KCNQ1: variants seen among roughly 807,000 people sequenced by gnomAD.
The protein encoded by KCNQ1 is potassium voltage-gated channel subfamily Q member 1.
A neutral mutation model predicts 72.4 loss-of-function variants in KCNQ1; 49 were observed. The observed-to-expected ratio is 0.68, with a 90% CI of 0.54 to 0.86. The LOEUF (loss-of-function observed/expected upper bound fraction) is 0.86, where lower values mean the gene tolerates loss of function less well. Among genes scored for constraint, KCNQ1 ranks in the 40% least tolerant of loss-of-function variants. The pLI, the probability that KCNQ1 is intolerant of heterozygous loss-of-function variation, is 0.00. For missense variants in KCNQ1, 790 were observed against 945.1 expected (o/e 0.84, Z 2.15); for synonymous variants, 450 against 412.6 (o/e 1.09, Z -1.10).
chr11:2,530,784 T>G (rs1847608980), intron 2 of KCNQ1, among the ~76,000 whole-genome samples: 1 of 152,184 alleles, frequency 6.6e-6, no homozygotes. Context: ...CCTGTGAGCA[T>G]GTATTGTATG....
Position 2,570,859 on chromosome 11 carries a change from C to T in KCNQ1, c.604+105C>T, listed in dbSNP as rs1589956846. 3.9e-6 allele frequency: 6 copies of T among 1,530,330 alleles called. No homozygotes were observed. The South Asian group carries it at 6.8e-5, about 17-fold the overall frequency. 94.8% of individuals were successfully genotyped at this position (1,530,330 alleles called of 1,614,324 possible). ...TGGAGTCCCCTAAGGACTGGGGAACCCCAAGGCCAGCAGGGGGTGACTGCC... is the reference window on the plus strand; with the variant it reads ...TGGAGTCCCCTAAGGACTGGGGAACTCCAAGGCCAGCAGGGGGTGACTGCC... On this transcript the variant is annotated intron_variant, in intron 3 of 15. Coordinates refer to ENST00000155840, the MANE Select transcript of KCNQ1 (RefSeq NM_000218.3).
At position 2,509,603 on chromosome 11, in the gene KCNQ1, G is replaced by A. The variant is rs1297240914; in HGVS notation, c.387-18325G>A. ...TCCGGGTGTGAGGGCAGTAGTGCAG[G>A]TCGTGGTCCCAGATGGCCACGGAGG... On this transcript the variant is annotated intron_variant, in intron 1 of 15. Transcript: ENST00000155840. This position sits in a 1 kb window ranked among gnomAD's most constrained non-coding sequence, Gnocchi z 6.3. Among the ~76,000 whole-genome samples, 2 of 152,184 alleles carry A rather than the reference G, an allele frequency of 1.3e-5. No homozygotes were observed. The highest frequency in any genetic ancestry group is 4.8e-5 in the African/African-American group (2 of 41,440).
chr11:2,538,913 G>A lies in KCNQ1; in HGVS notation c.477+10895G>A, dbSNP rs147221045. Among the ~76,000 whole-genome samples, 24 of 152,260 alleles carry A rather than the reference G, an allele frequency of 1.6e-4. No homozygotes were observed. The East Asian group carries it at 4.4e-3, about 28-fold the overall frequency. ...ACACGTAACCCGATTCTGTCCAAGC[G>A]ATTTGTGAGAATGGGGTTGACACCC... On this transcript the variant is annotated intron_variant, in intron 2 of 15. Coordinates refer to ENST00000155840, the MANE Select transcript of KCNQ1 (RefSeq NM_000218.3). The surrounding 1 kb of genome is among the most constrained non-coding windows in gnomAD (Gnocchi z 6.7).
chr11:2,533,718 C>T (rs1847679960), intron 2 of KCNQ1, among the ~76,000 whole-genome samples: 1 of 152,226 alleles, frequency 6.6e-6, no homozygotes, highest in South Asian at 2.1e-4. Context: ...TTGCCGAAGC[C>T]AGCTGCTGCT....
At chr11:2,635,051 G>C (rs1287339200) in intron 10 of KCNQ1, 1 of 152,066 alleles carries the variant, frequency 6.6e-6, no homozygotes, top group Non-Finnish European at 1.5e-5. Context: ...TTGTAAATTT[G>C]TTTGAGTTCT....
chr11:2,568,818 C>G (rs1247640754), intron 2 of KCNQ1, among the ~76,000 whole-genome samples: 1 of 151,610 alleles, frequency 6.6e-6, no homozygotes, highest in African/African-American at 2.4e-5. Flanking sequence ...GGGACCCACA[C>G]CCCCCCCATG....
intron 15 of KCNQ1, among the ~76,000 whole-genome samples, chr11:2,796,865 G>A (rs1238429565): frequency 6.6e-6 from 1 of 152,232 alleles, no homozygotes; most frequent in East Asian, 1.9e-4. Context: ...CGATGGGGCA[G>A]GGAAACGTTC....
At chr11:2,459,047 G>A (rs1846236780) in intron 1 of KCNQ1, among the ~76,000 whole-genome samples, 1 of 150,566 alleles carries the variant, frequency 6.6e-6, no homozygotes, top group South Asian at 2.1e-4. Flanking sequence ...CTTTGGGGTT[G>A]TTGGGATGCT....
In KCNQ1 at chr11:2,774,022, A is replaced by G. The variant is rs560339974; in HGVS notation, c.1591-1938A>G. ...AGACAGAGACAGGGTTCAGCATCCC[A>G]TCTTACAGAAAAGAGAATTAAGACT... On this transcript the variant is annotated intron_variant, in intron 12 of 15. Transcript: ENST00000155840. Among the ~76,000 whole-genome samples, 246 of 152,242 alleles carry G rather than the reference A, an allele frequency of 1.6e-3. 2 individuals are homozygous for G. Among genetic ancestry groups the G allele is most frequent in the South Asian group, 0.012 (59 of 4,824 alleles).
In KCNQ1 at chr11:2,848,394, G is replaced by A. The variant is rs774059974; in HGVS notation, c.*391G>A. On this transcript the variant is annotated 3_prime_UTR_variant, in exon 16 of 16. Transcript: ENST00000155840. Reference sequence around the variant, plus strand: ...TGGCCCAGGGGGCTTCCTGAGGGGAGACAGAGCAACCCCTGGACCCCAGCC... The same window carrying A: ...TGGCCCAGGGGGCTTCCTGAGGGGAAACAGAGCAACCCCTGGACCCCAGCC... 199 of 493,786 alleles carry A rather than the reference G, an allele frequency of 4.0e-4. No individual in the cohort carries two copies. The highest frequency in any genetic ancestry group is 5.3e-4 in the Non-Finnish European group (133 of 253,186). 30.6% of individuals were successfully genotyped at this position (493,786 alleles called of 1,614,324 possible).
chr11:2,806,848 G>A (rs776839564), intron 15 of KCNQ1, among the ~76,000 whole-genome samples: 4 of 152,196 alleles, frequency 2.6e-5, no homozygotes, highest in African/African-American at 4.8e-5. Context: ...CCTGGCTTGC[G>A]TGCTGGCTCC....
chr11:2,773,037 C>T (rs541120239), intron 12 of KCNQ1, among the ~76,000 whole-genome samples: 22 of 152,338 alleles, frequency 1.4e-4, no homozygotes, highest in African/African-American at 5.3e-4. Flanking sequence ...TTAGGATTCC[C>T]TGACCTTTCT....
rs935002538 is a variant in KCNQ1 at position 2,464,160 on chromosome 11, C to T, written c.386+18676C>T. On this transcript the variant is annotated intron_variant, in intron 1 of 15. Coordinates refer to ENST00000155840, the MANE Select transcript of KCNQ1 (RefSeq NM_000218.3). This position sits in a 1 kb window ranked among gnomAD's most constrained non-coding sequence, Gnocchi z 5.0. ...CTACGGTGCTTGCCATCAGCAGATA[C>T]AAGCTGTACGCAGTGGGCCGCAGGC... Among the ~76,000 whole-genome samples, 32 of 152,142 alleles carry T rather than the reference C, an allele frequency of 2.1e-4. No homozygotes were observed. The highest frequency in any genetic ancestry group is 7.7e-4 in the African/African-American group (32 of 41,428).
rs1013133466 is a variant in KCNQ1 at position 2,646,375 on chromosome 11, A to G, written c.1394-15586A>G. 5 of 398,508 alleles carry G rather than the reference A, an allele frequency of 1.3e-5. No individual in the cohort carries two copies. The East Asian group carries it at 1.4e-4, about 11-fold the overall frequency. The allele number at this position is 398,508 out of a possible 1,614,324, so 24.7% of individuals were successfully genotyped here. On this transcript the variant is annotated intron_variant, in intron 10 of 15. Transcript: ENST00000155840. ...AAAAAATTTTGTAGCCTCTTCAATT[A>G]CTGTTATCAGTATTTTATAGTTTTC... is the stretch of plus-strand genomic sequence containing the variant.
chr11:2,723,165 G>A lies in KCNQ1; in HGVS notation c.1515-45679G>A, dbSNP rs1188149085. The stretch of plus-strand genomic sequence containing the variant: ...TCCTCTTGGCTCCGCCTTCCTCCGT[G>A]GTGGCCTGAGAGGGGTGTGGTGCTG... On this transcript the variant is annotated intron_variant, in intron 11 of 15. Transcript: ENST00000155840. This position sits in a 1 kb window ranked among gnomAD's most constrained non-coding sequence, Gnocchi z 4.2. Among the ~76,000 whole-genome samples, 1 of 152,226 alleles carries A rather than the reference G, an allele frequency of 6.6e-6. No individual in the cohort carries two copies. Among genetic ancestry groups the A allele is most frequent in the African/African-American group, 2.4e-5 (1 of 41,462 alleles).
At chr11:2,445,522 C>A in intron 1 of KCNQ1, 38 bp downstream of exon 1, 1 of 1,579,454 alleles carries the variant, frequency 6.3e-7, no homozygotes. Flanking sequence ...CACGAAGGTG[C>A]TTCCTGAGAG....
At chr11:2,518,907 G>A (rs142181737) in intron 1 of KCNQ1, among the ~76,000 whole-genome samples, 1,684 of 152,320 alleles carry the variant, frequency 0.011, 9 homozygotes, top group Non-Finnish European at 0.017. Context: ...GTGGGGAGGC[G>A]TCCATTCACC....
chr11:2,649,180 T>A, intron 10 of KCNQ1: 1 of 398,342 alleles, frequency 2.5e-6, no homozygotes, highest in Non-Finnish European at 4.4e-6. Context: ...AGTATCTATC[T>A]TTCATTTGGG....
In KCNQ1 at chr11:2,572,134, G is replaced by A. The variant is rs748422818; in HGVS notation, c.780+25G>A. 25 of 1,566,798 alleles carry A rather than the reference G, an allele frequency of 1.6e-5. 1 individual carries two copies. The highest frequency in any genetic ancestry group is 3.4e-4 in the Middle Eastern group (2 of 5,960). ...GGTGGGTGGCCCGGGTTAGGGGTGC[G>A]GGGCCCAGGTTGGGGACAGGACGGA... On this transcript the variant is annotated intron_variant, in intron 5 of 15. Coordinates refer to ENST00000155840, the MANE Select transcript of KCNQ1 (RefSeq NM_000218.3).
Sources: allele counts gnomAD v4.1 joint callset (sites outside exome capture counted in the v4.1 genomes callset), GRCh38; gene constraint gnomAD v4.1.1; non-coding constraint Gnocchi (gnomAD v3.1); transcripts MANE v1.5; gene names NCBI Gene and HGNC (gene_info 2026-07-23, HGNC 2026-07-21).